PSEN1: variants seen among roughly 807,000 people sequenced by gnomAD.
PSEN1 encodes presenilin 1.
PSEN1 carries 15 observed loss-of-function variants against 53.5 expected under a neutral mutation model. That is an observed-to-expected ratio of 0.28 (90% CI 0.19 to 0.43). The LOEUF is 0.43. Among genes scored for constraint, PSEN1 ranks in the 20% least tolerant of loss-of-function variants. The probability of loss-of-function intolerance (pLI) is 1.00; values close to 1 mark genes in which losing one functional copy is unlikely to be tolerated. For synonymous variants in PSEN1, 208 were observed against 209.8 expected (o/e 0.99, Z 0.08); for missense variants, 387 against 571.2 (o/e 0.68, Z 3.29).
At chr14:73,181,394 G>A (rs927839029) in intron 5 of PSEN1, among the ~76,000 whole-genome samples, 1 of 152,092 alleles carries the variant, frequency 6.6e-6, no homozygotes, top group African/African-American at 2.4e-5. Context: ...GTGAGATTGC[G>A]CCATTGCCCT....
rs1900119390 is a variant in PSEN1 at position 73,221,598 on chromosome 14, T to G, written c.*2309T>G. 1 of 152,322 alleles carries G rather than the reference T, an allele frequency of 6.6e-6. No individual in the cohort carries two copies. The highest frequency in any genetic ancestry group is 6.5e-5 in the Admixed American group (1 of 15,290). The allele number at this position is 152,322 out of a possible 1,614,324, so 9.4% of individuals were successfully genotyped here. ...CAGAGAACCTATCTTTCCTTTTTTTTTTTTTAAAGGACAGGATTTTGCTGT... is the reference window on the plus strand; with the variant it reads ...CAGAGAACCTATCTTTCCTTTTTTTGTTTTTAAAGGACAGGATTTTGCTGT... On this transcript the variant is annotated 3_prime_UTR_variant, in exon 12 of 12. Transcript: ENST00000324501.
intron 1 of PSEN1, among the ~76,000 whole-genome samples, chr14:73,140,674 T>A (rs1203519866): frequency 2.6e-5 from 4 of 152,190 alleles, no homozygotes; most frequent in African/African-American, 9.7e-5. Context: ...CTTCTGGCAT[T>A]TGCATAGTAC....
intron 5 of PSEN1, among the ~76,000 whole-genome samples, chr14:73,184,565 G>A (rs1898393684): frequency 1.5e-5 from 2 of 135,948 alleles, no homozygotes; most frequent in South Asian, 4.8e-4. Flanking sequence ...CCTGGCAGAG[G>A]GGCTCCTCAC....
intron 10 of PSEN1, among the ~76,000 whole-genome samples, chr14:73,216,529 G>C (rs2140144033): frequency 6.6e-6 from 1 of 152,282 alleles, no homozygotes; most frequent in Middle Eastern, 3.4e-3. Context: ...GGGAGGCCAA[G>C]GTGGGTGGAT....
chr14:73,208,573 G>A lies in PSEN1; in HGVS notation c.955+2101G>A, dbSNP rs540297726. Among the ~76,000 whole-genome samples the A allele has an allele frequency of 7.3e-4, 111 of 152,330 alleles. 1 individual carries two copies. The highest frequency in any genetic ancestry group is 3.4e-3 in the Middle Eastern group (1 of 294). ...GCAGCCCTCAGTGGAGAGGAGACCC[G>A]GAGTGGGTAGCTTCTTTCTGCAGGC... On this transcript the variant is annotated intron_variant, in intron 9 of 11. Coordinates refer to ENST00000324501, the MANE Select transcript of PSEN1 (RefSeq NM_000021.4).
intron 5 of PSEN1, among the ~76,000 whole-genome samples, chr14:73,178,144 T>C (rs1898099058): frequency 6.6e-6 from 1 of 151,366 alleles, no homozygotes; most frequent in African/African-American, 2.4e-5. Context: ...GGTCTTGAAC[T>C]CCTGGCCTTA....
chr14:73,201,778 G>A (rs1015661967), intron 8 of PSEN1, among the ~76,000 whole-genome samples: 2 of 152,082 alleles, frequency 1.3e-5, no homozygotes, highest in Admixed American at 6.6e-5. Flanking sequence ...ACAGAGTCTT[G>A]CTCTGTTGCT....
chr14:73,181,601 A>G (rs1201544509), intron 5 of PSEN1, among the ~76,000 whole-genome samples: 1 of 152,242 alleles, frequency 6.6e-6, no homozygotes, highest in Non-Finnish European at 1.5e-5. Context: ...CTCTTAAAAA[A>G]AAATCATATT....
At chr14:73,181,632 A>C (rs1173458075) in intron 5 of PSEN1, among the ~76,000 whole-genome samples, 1 of 152,222 alleles carries the variant, frequency 6.6e-6, no homozygotes, top group African/African-American at 2.4e-5. Flanking sequence ...ATTTGGTGGC[A>C]TGAGAATATG....
chr14:73,212,001 A>G (rs538827744), intron 10 of PSEN1, 59 bp downstream of exon 10: 5 of 1,484,628 alleles, frequency 3.4e-6, no homozygotes, highest in East Asian at 2.4e-5. Flanking sequence ...TACATTATCA[A>G]CCTTTTTGAG....
intron 3 of PSEN1, 107 bp downstream of exon 3, chr14:73,148,213 CCA>C (rs1444710079): frequency 4.4e-5 from 38 of 859,250 alleles, no homozygotes; most frequent in Admixed American, 8.0e-5. Flanking sequence ...CTCTACTTTA[CCA>C]CATTTATAAT....
chr14:73,197,606 A>C (rs1239891529), intron 7 of PSEN1: 4 of 185,352 alleles, frequency 2.2e-5, no homozygotes, highest in African/African-American at 7.1e-5. Flanking sequence ...TTCATCTCAG[A>C]GTAATCTTTT....
chr14:73,144,031 TTATC>T (rs1896998760), intron 1 of PSEN1, among the ~76,000 whole-genome samples: 1 of 134,702 alleles, frequency 7.4e-6, no homozygotes, highest in Non-Finnish European at 1.6e-5. Flanking sequence ...GCATTATAGC[TTATC>T]TTTTTTTTTT....
intron 10 of PSEN1, among the ~76,000 whole-genome samples, chr14:73,215,227 C>T (rs1000404278): frequency 2.6e-5 from 4 of 151,266 alleles, no homozygotes; most frequent in African/African-American, 9.7e-5. Flanking sequence ...TCCCAGAGTG[C>T]TGGGATTACA....
rs200531506 is a variant in PSEN1 at position 73,211,758 on chromosome 14, T to C, written c.956-11T>C. The stretch of plus-strand genomic sequence containing the variant: ...AAATATTAGAGCTGTAACTTCCACT[T>C]TCTCTTGAAGGCACAGAAAGGGAGT... On this transcript the variant is annotated splice_polypyrimidine_tract_variant and intron_variant, in intron 9 of 11. Transcript: ENST00000324501. 3 of 1,613,762 alleles carry C rather than the reference T, an allele frequency of 1.9e-6. No individual in the cohort carries two copies. Among genetic ancestry groups the C allele is most frequent in the African/African-American group, 1.3e-5 (1 of 74,920 alleles).
intron 3 of PSEN1, among the ~76,000 whole-genome samples, chr14:73,156,707 GGC>G (rs1210120110): frequency 1.3e-5 from 2 of 151,732 alleles, no homozygotes; most frequent in East Asian, 3.9e-4. Flanking sequence ...CTGTCACCCA[GGC>G]TGGAGTGCAG....
intron 3 of PSEN1, among the ~76,000 whole-genome samples, chr14:73,169,663 A>G (rs1377498663): frequency 6.7e-6 from 1 of 149,734 alleles, no homozygotes; most frequent in Non-Finnish European, 1.5e-5. Context: ...CAACCTTACC[A>G]ATTTTTTTTT....
chr14:73,194,480 G>A (rs1277691147), intron 7 of PSEN1, among the ~76,000 whole-genome samples: 1 of 151,438 alleles, frequency 6.6e-6, no homozygotes, highest in Non-Finnish European at 1.5e-5. Context: ...AGGCTTGTCC[G>A]GAACTCCTGG....
intron 8 of PSEN1, among the ~76,000 whole-genome samples, chr14:73,204,414 A>G (rs1228106624): frequency 6.6e-6 from 1 of 151,914 alleles, no homozygotes; most frequent in Admixed American, 6.6e-5. Context: ...GGACTATTTA[A>G]CAAATATACT....
Sources: gnomAD v4.1 joint callset for allele counts (sites outside exome capture counted in the v4.1 genomes callset) on GRCh38, gnomAD v4.1.1 for gene constraint, MANE v1.5 for transcripts, NCBI Gene and HGNC (gene_info 2026-07-23, HGNC 2026-07-21) for gene names.